The following SLIT3 variants were observed in gnomAD, a reference collection of about 807,000 sequenced individuals.
SLIT3 encodes the protein slit guidance ligand 3, also known as slit homolog 3 protein.
Under a neutral mutation model 184.0 loss-of-function variants are expected in SLIT3, and 68 were observed. The ratio of observed to expected loss-of-function variants is 0.37; its 90% CI spans 0.30 to 0.45. The LOEUF (loss-of-function observed/expected upper bound fraction) is 0.45, where lower values mean the gene tolerates loss of function less well. Among genes scored for constraint, SLIT3 ranks in the 20% least tolerant of loss-of-function variants. The pLI, the probability that SLIT3 is intolerant of heterozygous loss-of-function variation, is 1.00. For synonymous variants in SLIT3, 831 were observed against 828.6 expected (o/e 1.00, Z -0.05); for missense variants, 1,707 against 2,026.0 (o/e 0.84, Z 3.02).
chr5:168,815,040 T>A lies in SLIT3; in HGVS notation c.793+2260A>T, dbSNP rs201352590. On this transcript the variant is annotated intron_variant, in intron 8 of 35. Coordinates refer to ENST00000519560, the MANE Select transcript of SLIT3 (RefSeq NM_003062.4). ...TTAATTCATACTACAGGCGAGAGGG[T>A]GGAGGTTAACAGCATAGTCATGTCT... Among the ~76,000 whole-genome samples the A allele has an allele frequency of 7.9e-5, 12 of 152,038 alleles. No individual in the cohort carries two copies. In the East Asian group the frequency reaches 2.3e-3, roughly 29 times the overall value.
rs6860430 is a variant in SLIT3 at position 169,222,914 on chromosome 5, G to A, written c.341+21791C>T. Among the ~76,000 whole-genome samples, 1,266 of 152,236 alleles carry A rather than the reference G, an allele frequency of 8.3e-3. 17 individuals are homozygous for A. Among genetic ancestry groups the A allele is most frequent in the African/African-American group, 0.029 (1,222 of 41,552 alleles). On this transcript the variant is annotated intron_variant, in intron 3 of 35. Transcript: ENST00000519560. ...TTGTTAACCAAAATGGCTGAGACAT[G>A]GGAGTTCACTCAACAAGGAGACAGA...
chr5:168,677,269 T>C (rs983305470), intron 32 of SLIT3, among the ~76,000 whole-genome samples: 1 of 152,110 alleles, frequency 6.6e-6, no homozygotes. Context: ...TCTTACAACA[T>C]TGGTTTTTTG....
At chr5:168,798,643 C>T (rs1328589562) in intron 9 of SLIT3, among the ~76,000 whole-genome samples, 1 of 152,032 alleles carries the variant, frequency 6.6e-6, no homozygotes, top group African/African-American at 2.4e-5. Context: ...TCAACCCTGC[C>T]CCAGGAGGCA....
intron 4 of SLIT3, among the ~76,000 whole-genome samples, chr5:168,929,027 C>T (rs961352561): frequency 1.3e-5 from 2 of 152,112 alleles, no homozygotes; most frequent in African/African-American, 4.8e-5. Context: ...AATATAATAG[C>T]CAGTACTTGG....
rs140984258 is a variant in SLIT3 at position 168,671,425 on chromosome 5, G to C, written c.3900C>G (p.Gly1300=). ...ALRQGTDRPL[G]GFHGCIHEVR... is the part of the protein sequence containing the mutation. ...CCTCATGGATGCATCCGTGGAAGCCGCCTAGAGGCCGGTCCGTGCCCTGGC... is the reference window on the plus strand; with the variant it reads ...CCTCATGGATGCATCCGTGGAAGCCCCCTAGAGGCCGGTCCGTGCCCTGGC... Residue 1300 remains glycine, a synonymous_variant, in exon 34 of 36, where the codon GGC becomes GGG. Coordinates refer to ENST00000519560, the MANE Select transcript of SLIT3 (RefSeq NM_003062.4). The C allele has an allele frequency of 2.5e-6, 4 of 1,613,698 alleles. No individual in the cohort carries two copies. The highest frequency in any genetic ancestry group is 3.4e-6 in the Non-Finnish European group (4 of 1,179,882).
chr5:168,954,250 G>C (rs757963665), intron 4 of SLIT3, among the ~76,000 whole-genome samples: 1 of 152,050 alleles, frequency 6.6e-6, no homozygotes, highest in Non-Finnish European at 1.5e-5. Flanking sequence ...AAATGATATC[G>C]GGCTGGAGGA....
At chr5:169,009,555 G>A (rs1756061877) in intron 4 of SLIT3, among the ~76,000 whole-genome samples, 1 of 152,216 alleles carries the variant, frequency 6.6e-6, no homozygotes, top group South Asian at 2.1e-4. Flanking sequence ...GTCATATTTG[G>A]TCTGTCGTTA....
intron 29 of SLIT3, among the ~76,000 whole-genome samples, chr5:168,691,234 G>A (rs1055714226): frequency 1.2e-4 from 18 of 152,204 alleles, no homozygotes; most frequent in African/African-American, 4.3e-4. Context: ...TGATGGGTGG[G>A]CTGGCTGGAG....
chr5:168,935,135 C>T, intron 4 of SLIT3, among the ~76,000 whole-genome samples: 1 of 108,336 alleles, frequency 9.2e-6, no homozygotes. Context: ...AAGACTCCGT[C>T]TCAAAAAAAA....
At chr5:168,712,197 A>G in intron 24 of SLIT3, 86 bp downstream of exon 24, 1 of 1,197,234 alleles carries the variant, frequency 8.4e-7, no homozygotes, top group South Asian at 1.2e-5. Flanking sequence ...GACATCTGCC[A>G]AAATGCTGAC....
At chr5:169,023,444 G>C (rs1039162778) in intron 4 of SLIT3, among the ~76,000 whole-genome samples, 1 of 152,136 alleles carries the variant, frequency 6.6e-6, no homozygotes, top group Admixed American at 6.5e-5. Flanking sequence ...ATCTGTTTTC[G>C]AAACAGCTCT....
intron 4 of SLIT3, among the ~76,000 whole-genome samples, chr5:169,192,832 TCA>T (rs1763599858): frequency 6.6e-6 from 1 of 152,178 alleles, no homozygotes; most frequent in African/African-American, 2.4e-5. Flanking sequence ...AATACATGAA[TCA>T]CAGTCTCCAC....
chr5:169,070,736 G>A (rs1350428070), intron 4 of SLIT3, among the ~76,000 whole-genome samples: 2 of 149,596 alleles, frequency 1.3e-5, no homozygotes, highest in East Asian at 2.0e-4. Flanking sequence ...AAATCTATGG[G>A]TGTTGAATTC....
chr5:169,030,797 A>G (rs1361341238), intron 4 of SLIT3, among the ~76,000 whole-genome samples: 1 of 152,234 alleles, frequency 6.6e-6, no homozygotes, highest in Non-Finnish European at 1.5e-5. Context: ...TTTAATGGTA[A>G]GAAAACTGAA....
At chr5:169,190,354 C>T (rs544075845) in intron 4 of SLIT3, among the ~76,000 whole-genome samples, 5 of 152,182 alleles carry the variant, frequency 3.3e-5, no homozygotes, top group African/African-American at 1.2e-4. Context: ...AAGATGAAGA[C>T]TTAATGACAT....
At chr5:169,070,406 G>A (rs1272865837) in intron 4 of SLIT3, among the ~76,000 whole-genome samples, 3 of 152,110 alleles carry the variant, frequency 2.0e-5, no homozygotes, top group African/African-American at 7.2e-5. Flanking sequence ...ACTCTGTATT[G>A]GGTAGAATCT....
chr5:168,785,598 T>C (rs1756124587), intron 12 of SLIT3, among the ~76,000 whole-genome samples: 1 of 152,236 alleles, frequency 6.6e-6, no homozygotes, highest in Non-Finnish European at 1.5e-5. Flanking sequence ...AATGTTTTTC[T>C]TTTTGTTGGA....
In SLIT3 at chr5:168,700,583, T is replaced by C; in HGVS notation, c.2941A>G (p.Ser981Gly). ...HLSDSHKDGF[S>G]CSCPLGFEGQ... ...GGGAGGCCAGGGGTGAACTGTTACC[T>C]GAACCCATCCTTGTGGCTGTCACTC... Residue 981 changes from serine (S) to glycine (G), a missense_variant and splice_region_variant, in exon 27 of 36, where the codon AGC (serine) becomes GGC (glycine). By Grantham distance (56) the Ser-to-Gly change is moderately conservative (BLOSUM62 0). Around this residue, in one of 3 missense-constraint regions of SLIT3, gnomAD observed 1,307 missense variants for 1,511.6 expected, o/e 0.86. Transcript: ENST00000519560. 1 of 1,612,698 alleles carries C rather than the reference T, an allele frequency of 6.2e-7. No individual in the cohort carries two copies. The highest frequency in any genetic ancestry group is 2.2e-5 in the East Asian group (1 of 44,880).
At chr5:169,269,785 G>A (rs191869685) in intron 1 of SLIT3, among the ~76,000 whole-genome samples, 11 of 152,330 alleles carry the variant, frequency 7.2e-5, no homozygotes, top group South Asian at 4.1e-4. Context: ...CACTCCCAAC[G>A]AAGACAAACA....
Sources: allele counts gnomAD v4.1 joint callset (sites outside exome capture counted in the v4.1 genomes callset), GRCh38; gene constraint gnomAD v4.1.1; regional missense constraint gnomAD v4.1.1; transcripts MANE v1.5; gene names NCBI Gene and HGNC (gene_info 2026-07-23, HGNC 2026-07-21).